ALK: variants seen among roughly 807,000 people sequenced by gnomAD.
ALK encodes the protein ALK receptor tyrosine kinase.
Under a neutral mutation model 163.1 loss-of-function variants are expected in ALK, and 74 were observed. That is an observed-to-expected ratio of 0.45 (90% CI 0.38 to 0.55). The LOEUF (loss-of-function observed/expected upper bound fraction) is 0.55, where lower values mean the gene tolerates loss of function less well. Among genes scored for constraint, ALK ranks in the 20% least tolerant of loss-of-function variants. ALK has a pLI of 0.00. For missense variants in ALK, 2,063 were observed against 2,105.3 expected, an observed-to-expected ratio of 0.98 and a Z score of 0.39; for synonymous variants, 960 against 843.2, an observed-to-expected ratio of 1.14 and a Z score of -2.40.
intron 1 of ALK, among the ~76,000 whole-genome samples, chr2:29,813,779 A>T (rs1664819037): frequency 6.6e-6 from 1 of 152,136 alleles, no homozygotes; most frequent in Non-Finnish European, 1.5e-5. Flanking sequence ...GAACCCCGTA[A>T]CTCACAATTG....
intron 4 of ALK, among the ~76,000 whole-genome samples, chr2:29,422,309 A>G (rs1046156573): frequency 2.7e-5 from 4 of 147,802 alleles, no homozygotes; most frequent in Admixed American, 6.6e-5. Context: ...TTACTAATAG[A>G]AAACACAGTC....
chr2:29,195,937 CAGGT>C (rs1669012189), intron 28 of ALK, among the ~76,000 whole-genome samples: 1 of 152,056 alleles, frequency 6.6e-6, no homozygotes, highest in African/African-American at 2.4e-5. Context: ...GACGGGAAGG[CAGGT>C]GGTGAGAAAT....
At chr2:29,270,847 C>A (rs1036474496) in intron 11 of ALK, among the ~76,000 whole-genome samples, 3 of 152,170 alleles carry the variant, frequency 2.0e-5, no homozygotes, top group African/African-American at 7.2e-5. Flanking sequence ...CTGCTTCCTG[C>A]TCTGACTTGT....
chr2:29,830,733 A>C (rs1324791357), intron 1 of ALK, among the ~76,000 whole-genome samples: 5 of 131,434 alleles, frequency 3.8e-5, no homozygotes, highest in East Asian at 2.8e-4. Flanking sequence ...AAAAAAAAAA[A>C]AAAAAAAAAA....
chr2:29,834,214 A>T (rs1665498337), intron 1 of ALK, among the ~76,000 whole-genome samples: 2 of 152,210 alleles, frequency 1.3e-5, no homozygotes, highest in African/African-American at 4.8e-5. Context: ...GTTTGGGGAA[A>T]ATATGAGACT....
intron 5 of ALK, among the ~76,000 whole-genome samples, chr2:29,333,557 G>A (rs896427280): frequency 6.6e-6 from 1 of 152,076 alleles, no homozygotes; most frequent in Admixed American, 6.5e-5. Flanking sequence ...TATCATATGC[G>A]TGACAATTTT....
intron 9 of ALK, among the ~76,000 whole-genome samples, chr2:29,276,639 G>A (rs540486972): frequency 2.0e-5 from 3 of 152,160 alleles, no homozygotes; most frequent in African/African-American, 4.8e-5. Flanking sequence ...ATGATGGGAC[G>A]CCAGTCAATG....
At chr2:29,539,225 T>A (rs1673347924) in intron 3 of ALK, among the ~76,000 whole-genome samples, 1 of 152,202 alleles carries the variant, frequency 6.6e-6, no homozygotes, top group South Asian at 2.1e-4. Flanking sequence ...ATATTTATAA[T>A]CTTCTCTATA....
intron 3 of ALK, among the ~76,000 whole-genome samples, chr2:29,656,801 C>A (rs956284791): frequency 1.2e-4 from 18 of 152,100 alleles, no homozygotes; most frequent in African/African-American, 4.1e-4. Context: ...GTAGACATGG[C>A]GTTTGAAGCT....
At chr2:29,438,258 G>A (rs1317733178) in intron 4 of ALK, among the ~76,000 whole-genome samples, 2 of 152,388 alleles carry the variant, frequency 1.3e-5, no homozygotes, top group Non-Finnish European at 2.9e-5. Context: ...GAGGCTCAGT[G>A]TAGTTAGATG....
intron 5 of ALK, among the ~76,000 whole-genome samples, chr2:29,361,346 TC>T (rs1388248089): frequency 6.6e-6 from 1 of 152,158 alleles, no homozygotes; most frequent in African/African-American, 2.4e-5. Context: ...GAGATAATAT[TC>T]CACATTCCAA....
intron 4 of ALK, among the ~76,000 whole-genome samples, chr2:29,392,628 T>C (rs1380453416): frequency 6.6e-6 from 1 of 152,202 alleles, no homozygotes; most frequent in East Asian, 1.9e-4. Context: ...CTTCATTCTG[T>C]GTACCAGGCC....
At chr2:29,539,628 C>T (rs571420644) in intron 3 of ALK, among the ~76,000 whole-genome samples, 14 of 111,204 alleles carry the variant, frequency 1.3e-4, no homozygotes, top group South Asian at 3.5e-4. Context: ...TCATATCATT[C>T]GACTAGGTAA....
chr2:29,494,982 G>A (rs764939935), intron 4 of ALK, among the ~76,000 whole-genome samples: 13 of 151,836 alleles, frequency 8.6e-5, no homozygotes, highest in Admixed American at 1.3e-4. Context: ...CATAGATATC[G>A]CTCACCTGCG....
At chr2:29,409,492 G>A (rs1669676323) in intron 4 of ALK, among the ~76,000 whole-genome samples, 1 of 152,020 alleles carries the variant, frequency 6.6e-6, no homozygotes, top group Non-Finnish European at 1.5e-5. Context: ...AAAATTACAC[G>A]GAGCCCCCTT....
chr2:29,587,205 C>T (rs1380290002), intron 3 of ALK, among the ~76,000 whole-genome samples: 2 of 152,190 alleles, frequency 1.3e-5, no homozygotes, highest in Non-Finnish European at 2.9e-5. Context: ...ACACCAAGTC[C>T]CTGGTCTTCT....
intron 5 of ALK, among the ~76,000 whole-genome samples, chr2:29,345,341 C>T (rs527352911): frequency 4.4e-4 from 67 of 151,688 alleles, no homozygotes; most frequent in Non-Finnish European, 5.4e-4. Flanking sequence ...CTCAGAAGGT[C>T]GAGCCTGTAG....
intron 7 of ALK, 46 bp from the exon 8 acceptor site, chr2:29,318,450 GGGGGAC>G: frequency 7.5e-7 from 1 of 1,334,902 alleles, no homozygotes; most frequent in Non-Finnish European, 1.1e-6. Context: ...ATCAGGAACT[GGGGGAC>G]CAGGGGTGCA....
Position 29,229,003 on chromosome 2 carries a change from C to A in ALK, c.2696G>T (p.Gly899Val). The change falls in exon 16 of 29, where the codon GGT (glycine) becomes GTT (valine). Residue 899 changes from glycine to valine, a missense_variant. By Grantham distance (109) the Gly-to-Val change is moderately radical (BLOSUM62 -3). Coordinates refer to ENST00000389048, the MANE Select transcript of ALK (RefSeq NM_004304.5). ...LLWAGKSLQE[G>V]ATGGHSCPQA... is the part of the protein sequence containing the mutation. Reference sequence around the variant, plus strand: ...GGGGCAGGAATGTCCTCCGGTGGCACCCTCCTGCAAAGATTTTCCGGCCCA... The same window carrying A: ...GGGGCAGGAATGTCCTCCGGTGGCAACCTCCTGCAAAGATTTTCCGGCCCA... The A allele has an allele frequency of 6.2e-7, 1 of 1,612,318 alleles. No homozygotes were observed. The highest frequency in any genetic ancestry group is 1.3e-5 in the African/African-American group (1 of 74,372).
Sources: gnomAD v4.1 joint callset for allele counts (sites outside exome capture counted in the v4.1 genomes callset) on GRCh38, gnomAD v4.1.1 for gene constraint, MANE v1.5 for transcripts, NCBI Gene and HGNC (gene_info 2026-07-23, HGNC 2026-07-21) for gene names.